Variants in NPAS3 observed in about 807,000 individuals in gnomAD.
The protein encoded by NPAS3 is neuronal PAS domain-containing protein 3.
Under a neutral mutation model 73.1 loss-of-function variants are expected in NPAS3, and 14 were observed. The observed-to-expected ratio is 0.19, with a 90% CI of 0.13 to 0.30. The LOEUF (loss-of-function observed/expected upper bound fraction) is 0.30. NPAS3 is among the 10% of genes least tolerant of loss of function. The pLI is 1.00. For missense variants in NPAS3, 1,096 were observed against 1,250.0 expected, an observed-to-expected ratio of 0.88 and a Z score of 1.86; for synonymous variants, 620 against 541.5, an observed-to-expected ratio of 1.14 and a Z score of -2.01.
intron 4 of NPAS3, among the ~76,000 whole-genome samples, chr14:33,452,226 G>A (rs991529953): frequency 2.0e-5 from 3 of 152,152 alleles, no homozygotes; most frequent in Non-Finnish European, 4.4e-5. Context: ...ACTCTCGGAT[G>A]GGGCTGGGCA....
chr14:33,800,452 C>T lies in NPAS3; in HGVS notation c.2145C>T (p.Val715=). The T allele has an allele frequency of 1.3e-6, 2 of 1,535,204 alleles. No individual in the cohort carries two copies. Among genetic ancestry groups the T allele is most frequent in the South Asian group, 1.2e-5 (1 of 82,292 alleles). The change falls in exon 12 of 12, where the codon GTC becomes GTT. Residue 715 remains valine, a synonymous_variant. Transcript: ENST00000356141. The surrounding 1 kb of genome is among the most constrained non-coding windows in gnomAD (Gnocchi z 6.5). ...TGCACGTGGCCATTCCCGACTCGGTCCTCACCCCGCCCGGCGCCGACGGCG... is the reference window on the plus strand; with the variant it reads ...TGCACGTGGCCATTCCCGACTCGGTTCTCACCCCGCCCGGCGCCGACGGCG...
chr14:33,401,342 A>G (rs1412731352), intron 4 of NPAS3, among the ~76,000 whole-genome samples: 1 of 152,162 alleles, frequency 6.6e-6, no homozygotes, highest in East Asian at 1.9e-4. Flanking sequence ...CAGTAACTCC[A>G]AATAGCATTT....
intron 1 of NPAS3, among the ~76,000 whole-genome samples, chr14:33,019,959 T>C (rs1268360065): frequency 6.6e-6 from 1 of 152,234 alleles, no homozygotes; most frequent in Non-Finnish European, 1.5e-5. Flanking sequence ...CTCTTTTCCA[T>C]CCGATTACAA....
At chr14:33,086,375 T>G (rs2042026073) in intron 2 of NPAS3, among the ~76,000 whole-genome samples, 1 of 152,160 alleles carries the variant, frequency 6.6e-6, no homozygotes, top group African/African-American at 2.4e-5. Flanking sequence ...TTAAAAACTT[T>G]TAAAAGTTTA....
At chr14:33,547,314 G>C (rs1417743048) in intron 4 of NPAS3, among the ~76,000 whole-genome samples, 1 of 152,106 alleles carries the variant, frequency 6.6e-6, no homozygotes, top group Non-Finnish European at 1.5e-5. Context: ...TGTTGGGAAG[G>C]GTCAAGGCTA....
intron 3 of NPAS3, among the ~76,000 whole-genome samples, chr14:33,329,518 C>G (rs1176532030): frequency 6.6e-6 from 1 of 152,102 alleles, no homozygotes; most frequent in African/African-American, 2.4e-5. Flanking sequence ...AAGCAGCAAA[C>G]ACAGAAATTC....
intron 6 of NPAS3, among the ~76,000 whole-genome samples, chr14:33,676,856 G>T (rs887900850): frequency 6.6e-6 from 1 of 152,082 alleles, no homozygotes; most frequent in African/African-American, 2.4e-5. Context: ...GATGTGAACA[G>T]ATAAATTAAG....
intron 3 of NPAS3, among the ~76,000 whole-genome samples, chr14:33,292,402 C>T (rs1281419464): frequency 6.6e-6 from 1 of 152,144 alleles, no homozygotes; most frequent in Non-Finnish European, 1.5e-5. Context: ...CGTGAACTCC[C>T]TTCAGTTGGC....
intron 6 of NPAS3, among the ~76,000 whole-genome samples, chr14:33,690,154 T>C (rs2060195400): frequency 6.6e-6 from 1 of 152,180 alleles, no homozygotes; most frequent in Non-Finnish European, 1.5e-5. Context: ...TCCTTTACTA[T>C]CGAATCAGCT....
chr14:33,774,988 AATT>A (rs2062767886), intron 8 of NPAS3, among the ~76,000 whole-genome samples: 1 of 152,186 alleles, frequency 6.6e-6, no homozygotes, highest in South Asian at 2.1e-4. Flanking sequence ...ATGAAAAAGA[AATT>A]TACAAAGCTA....
chr14:33,699,997 T>A (rs1471303048), intron 6 of NPAS3, among the ~76,000 whole-genome samples: 2 of 152,170 alleles, frequency 1.3e-5, no homozygotes, highest in Non-Finnish European at 2.9e-5. Flanking sequence ...CTGTAAATCA[T>A]GGAAAGTTTA....
intron 3 of NPAS3, among the ~76,000 whole-genome samples, chr14:33,353,012 G>A (rs540087623): frequency 1.3e-5 from 2 of 152,270 alleles, no homozygotes; most frequent in African/African-American, 4.8e-5. Context: ...AGGGGAGCAA[G>A]TTGAGGTCAG....
At chr14:33,193,507 T>C (rs962051053) in intron 2 of NPAS3, among the ~76,000 whole-genome samples, 1 of 152,210 alleles carries the variant, frequency 6.6e-6, no homozygotes, top group African/African-American at 2.4e-5. Context: ...AGGATGGCGA[T>C]GAGGATCTGC....
chr14:32,971,166 C>A (rs2037407227), intron 1 of NPAS3, among the ~76,000 whole-genome samples: 1 of 151,090 alleles, frequency 6.6e-6, no homozygotes, highest in African/African-American at 2.4e-5. Flanking sequence ...CTCACTGCAA[C>A]CTCTGCCTCC....
At chr14:33,639,483 A>G (rs2058616909) in intron 5 of NPAS3, among the ~76,000 whole-genome samples, 1 of 152,172 alleles carries the variant, frequency 6.6e-6, no homozygotes. Context: ...AGGCTACATA[A>G]TATGGCTCCT....
intron 1 of NPAS3, among the ~76,000 whole-genome samples, chr14:32,953,266 C>G (rs944619491): frequency 6.6e-6 from 1 of 152,198 alleles, no homozygotes; most frequent in African/African-American, 2.4e-5. Flanking sequence ...TGGGTTGAAC[C>G]AAACCACGTT....
At chr14:33,083,498 C>T (rs2041929245) in intron 2 of NPAS3, among the ~76,000 whole-genome samples, 1 of 152,154 alleles carries the variant, frequency 6.6e-6, no homozygotes, top group South Asian at 2.1e-4. Flanking sequence ...CATAAGTTTA[C>T]TTCCATTTTA....
At chr14:33,475,770 A>T (rs960903211) in intron 4 of NPAS3, among the ~76,000 whole-genome samples, 1 of 152,076 alleles carries the variant, frequency 6.6e-6, no homozygotes, top group African/African-American at 2.4e-5. Context: ...GCCTTTGTGA[A>T]TGGGAGAGAA....
intron 6 of NPAS3, among the ~76,000 whole-genome samples, chr14:33,714,917 A>G (rs768270125): frequency 6.6e-6 from 1 of 152,192 alleles, no homozygotes; most frequent in Non-Finnish European, 1.5e-5. Context: ...GAAAATCACC[A>G]TCATTGTCCA....
Sources: gnomAD v4.1 joint callset for allele counts (sites outside exome capture counted in the v4.1 genomes callset) on GRCh38, gnomAD v4.1.1 for gene constraint, Gnocchi (gnomAD v3.1) non-coding constraint, MANE v1.5 for transcripts, NCBI Gene and HGNC (gene_info 2026-07-23, HGNC 2026-07-21) for gene names.